The following APEH variants were observed in gnomAD, a reference collection of about 807,000 sequenced individuals.
APEH encodes acylaminoacyl-peptide hydrolase.
A neutral mutation model predicts 102.7 loss-of-function variants in APEH; 75 were observed. The observed-to-expected ratio is 0.73, with a 90% CI of 0.61 to 0.89. The LOEUF (loss-of-function observed/expected upper bound fraction) is 0.89. Ranked by LOEUF, APEH falls within the 40% of genes least tolerant of loss-of-function variation. The probability of loss-of-function intolerance (pLI) is 0.00; values close to 1 mark genes in which losing one functional copy is unlikely to be tolerated. For missense variants in APEH, 863 were observed against 941.2 expected (o/e 0.92, Z 1.09); for synonymous variants, 344 against 362.7 (o/e 0.95, Z 0.59).
chr3:49,681,643 C>T lies in APEH; in HGVS notation c.1439-79C>T, dbSNP rs577604910. The T allele has an allele frequency of 3.0e-6, 4 of 1,323,354 alleles. No individual in the cohort carries two copies. In the African/African-American group the frequency reaches 4.5e-5, roughly 15 times the overall value. 82.0% of individuals were successfully genotyped at this position (1,323,354 alleles called of 1,614,324 possible). Reference sequence around the variant, plus strand: ...AGGTCTCTGACCCAGAGGTCAGCCCCACACCTGCAGCTAGAGATGGGGCCT... The same window carrying T: ...AGGTCTCTGACCCAGAGGTCAGCCCTACACCTGCAGCTAGAGATGGGGCCT... On this transcript the variant is annotated intron_variant, in intron 15 of 21. Transcript: ENST00000296456.
chr3:49,682,782 A>G, intron 19 of APEH, 46 bp downstream of exon 19: 2 of 1,613,318 alleles, frequency 1.2e-6, no homozygotes, highest in Non-Finnish European at 1.7e-6. Flanking sequence ...TCTACCTCAA[A>G]TTCTCATGGA....
In APEH at chr3:49,675,916, A is replaced by G. The variant is rs1308979519; in HGVS notation, c.392A>G (p.Lys131Arg). The G allele has an allele frequency of 6.2e-7, 1 of 1,614,126 alleles. No individual in the cohort carries two copies. Among genetic ancestry groups the G allele is most frequent in the South Asian group, 1.1e-5 (1 of 91,086 alleles). ...GTCTGGGAGAAGAACCGGAAGCTCAAGAGCTTCAACCTGTCAGCGCTGGAG... is the reference window on the plus strand; with the variant it reads ...GTCTGGGAGAAGAACCGGAAGCTCAGGAGCTTCAACCTGTCAGCGCTGGAG... Reference protein sequence around the residue: ...LEVWEKNRKLKSFNLSALEKH... With the variant: ...LEVWEKNRKLRSFNLSALEKH... Residue 131 changes from lysine (K) to arginine (R), a missense_variant, in exon 5 of 22, where the codon AAG becomes AGG. Transcript: ENST00000296456.
intron 2 of APEH, 147 bp downstream of exon 2, chr3:49,674,768 G>C: frequency 3.4e-6 from 4 of 1,160,148 alleles, no homozygotes; most frequent in Non-Finnish European, 4.8e-6. Context: ...ACAGGTCCCT[G>C]CACACAGGTG....
At chr3:49,673,719 T>A (rs528921812), upstream of APEH, among the ~76,000 whole-genome samples, 78 of 152,304 alleles carry the variant, frequency 5.1e-4, no homozygotes, top group Non-Finnish European at 8.7e-4. Flanking sequence ...GGCCTCGTGG[T>A]GGACCCGAAG....
chr3:49,677,674 G>T (rs372564639), intron 11 of APEH, 41 bp downstream of exon 11: 6 of 1,558,748 alleles, frequency 3.8e-6, no homozygotes, highest in Non-Finnish European at 4.4e-6. Context: ...GGGGCCTGTA[G>T]CTCTGCTTTC....
At position 49,681,933 on chromosome 3, in the gene APEH, C is replaced by T. The variant is rs1303705918; in HGVS notation, c.1569C>T (p.Ala523=). The change falls in exon 17 of 22, where the codon GCC becomes GCT. Residue 523 remains alanine, a synonymous_variant. Transcript: ENST00000296456. ...TCACTGCCTGGATGCTGTTCCCAGC[C>T]ATGCTTTGCAAGATGGGCTTTGCGG... ...SFVTAWMLFP[A]MLCKMGFAVL... is the part of the protein sequence containing the mutation. The T allele has an allele frequency of 6.2e-7, 1 of 1,614,208 alleles. No individual in the cohort carries two copies. The highest frequency in any genetic ancestry group is 1.1e-5 in the South Asian group (1 of 91,088).
In APEH at chr3:49,681,887, G is replaced by T. The variant is rs750816647; in HGVS notation, c.1523G>T (p.Gly508Val). Residue 508 changes from glycine to valine, a missense_variant and splice_region_variant, in exon 17 of 22, where the codon GGG becomes GTG. Gly to Val is a moderately radical substitution (Grantham distance 109). Coordinates refer to ENST00000296456, the MANE Select transcript of APEH (RefSeq NM_001640.4). ...TTCACCCTCCGCTCCCTGTCTGCAG[G>T]GGGGCCCCATTCATCCTTTGTCACT... ...TQVPMVVMPH[G>V]GPHSSFVTAW... is the part of the protein sequence containing the mutation. 6.2e-7 allele frequency: 1 copy of T among 1,614,108 alleles called. No homozygotes were observed. Among genetic ancestry groups the T allele is most frequent in the Non-Finnish European group, 8.5e-7 (1 of 1,179,972 alleles).
chr3:49,674,164 C>T (rs1005605905), upstream of APEH: 17 of 563,838 alleles, frequency 3.0e-5, no homozygotes, highest in Non-Finnish European at 5.2e-5. Flanking sequence ...GCTAGTCCGC[C>T]CCTGGCGAGA....
In APEH at chr3:49,682,386, A is replaced by G. The variant is rs1349002088; in HGVS notation, c.1642A>G (p.Ile548Val). The G allele has an allele frequency of 6.2e-7, 1 of 1,614,064 alleles. No individual in the cohort carries two copies. Among genetic ancestry groups the G allele is most frequent in the Admixed American group, 1.7e-5 (1 of 60,012 alleles). ...CTCCACGGGCTTTGGCCAGGACAGC[A>G]TCCTCTCCCTCCCAGGCAATGTGGG... ...RGSTGFGQDS[I>V]LSLPGNVGHQ... Residue 548 changes from isoleucine (I) to valine (V), a missense_variant, in exon 18 of 22, where the codon ATC becomes GTC. Coordinates refer to ENST00000296456, the MANE Select transcript of APEH (RefSeq NM_001640.4).
rs1408244346 is a variant in APEH, at chr3:49,676,434, C to G, written c.663C>G (p.Ile221Met). 1 of 1,614,250 alleles carries G rather than the reference C, an allele frequency of 6.2e-7. No individual in the cohort carries two copies. The highest frequency in any genetic ancestry group is 1.1e-5 in the South Asian group (1 of 91,090). Residue 221 changes from isoleucine (I) to methionine (M), a missense_variant, in exon 7 of 22, where the codon ATC becomes ATG. Transcript: ENST00000296456. ...DWGENMVSKS[I>M]PVLCVLDVES... ...GAGAAAACATGGTTTCCAAAAGCAT[C>G]CCTGTGCTCTGCGTGCTGGATGTCG...
chr3:49,681,218 G>A lies in APEH; in HGVS notation c.1417G>A (p.Glu473Lys). The A allele has an allele frequency of 1.2e-6, 2 of 1,603,548 alleles. No homozygotes were observed. Among genetic ancestry groups the A allele is most frequent in the Non-Finnish European group, 1.7e-6 (2 of 1,174,340 alleles). The change falls in exon 15 of 22, where the codon GAG becomes AAG. Residue 473 changes from glutamate (E) to lysine (K), a missense_variant. Physicochemically the swap from Glu to Lys is moderately conservative, Grantham distance 56. Coordinates refer to ENST00000296456, the MANE Select transcript of APEH (RefSeq NM_001640.4). ...WGIRVLQPPPEQENVQYAGLD... is the reference protein window; with the variant it reads ...WGIRVLQPPPKQENVQYAGLD... ...CATCCGGGTGCTACAGCCACCCCCA[G>A]AGCAAGAGAATGTGCAGTATGGTGA...
chr3:49,682,266 T>C, intron 17 of APEH, 82 bp from the exon 18 acceptor site: 1 of 1,366,242 alleles, frequency 7.3e-7, no homozygotes, highest in Non-Finnish European at 1.0e-6. Context: ...CCCCAGGGCC[T>C]ACTTCACAGA....
chr3:49,678,964 T>C lies in APEH; in HGVS notation c.1158+15T>C, dbSNP rs1392307655. The stretch of plus-strand genomic sequence containing the variant: ...GCAGCCGGCAGGTGAGGGACGCTGA[T>C]TGTGTTGAGGGGCAGCCCCTGTGGT... On this transcript the variant is annotated intron_variant, in intron 12 of 21. Transcript: ENST00000296456. The C allele has an allele frequency of 1.2e-6, 2 of 1,607,824 alleles. No individual in the cohort carries two copies. Among genetic ancestry groups the C allele is most frequent in the Non-Finnish European group, 1.7e-6 (2 of 1,175,508 alleles).
intron 10 of APEH, among the ~76,000 whole-genome samples, chr3:49,677,312 G>A (rs2053105866): frequency 6.6e-6 from 1 of 152,206 alleles, no homozygotes; most frequent in Non-Finnish European, 1.5e-5. Context: ...CTCTGCAAGG[G>A]GCTGGGATAT....
chr3:49,676,166 A>G lies in APEH; in HGVS notation c.553A>G (p.Ser185Gly). 6.2e-7 allele frequency: 1 copy of G among 1,614,196 alleles called. No individual in the cohort carries two copies. The highest frequency in any genetic ancestry group is 8.5e-7 in the Non-Finnish European group (1 of 1,180,042). Residue 185 changes from serine (S) to glycine (G), a missense_variant, in exon 6 of 22, where the codon AGT becomes GGT. By Grantham distance (56) the Ser-to-Gly change is moderately conservative. Transcript: ENST00000296456. Reference protein sequence around the residue: ...SFFQTKALDVSASDDEIARLK... With the variant: ...SFFQTKALDVGASDDEIARLK... ...CTTTCAGACCAAAGCCTTGGACGTC[A>G]GTGCCAGCGATGATGAGATAGCCAG...
At position 49,676,057 on chromosome 3, in the gene APEH, C is replaced by T. The variant is rs768340520; in HGVS notation, c.444C>T (p.Asp148=). Residue 148 remains aspartate, a splice_region_variant and synonymous_variant, in exon 6 of 22, where the codon GAC becomes GAT. Coordinates refer to ENST00000296456, the MANE Select transcript of APEH (RefSeq NM_001640.4). The stretch of plus-strand genomic sequence containing the variant: ...CTGATTGGCCCTCCCTGCACCCAGA[C>T]TGCTTTGGCTGCCTGTCCTGGTCGC... ...LEKHGPVYED[D]CFGCLSWSHS... 73 of 1,614,092 alleles carry T rather than the reference C, an allele frequency of 4.5e-5. No homozygotes were observed. Among genetic ancestry groups the T allele is most frequent in the Non-Finnish European group, 6.1e-5 (72 of 1,180,028 alleles).
upstream of APEH, chr3:49,674,013 C>A (rs2052892726): frequency 3.1e-6 from 1 of 322,096 alleles, no homozygotes. Flanking sequence ...TCAACCCCTT[C>A]TCTCGTAGGC....
intron 10 of APEH, among the ~76,000 whole-genome samples, 160 bp downstream of exon 10, chr3:49,677,184 G>A (rs948868747): frequency 1.2e-4 from 19 of 152,206 alleles, no homozygotes; most frequent in African/African-American, 9.7e-5. Flanking sequence ...CTCAAGGAGG[G>A]CCTAGAGGTT....
Position 49,676,087 on chromosome 3 carries a change from GGA to G in APEH, c.477_478del (p.Glu159AspfsTer30). ...CFGCLSWSHS[E>X]THLLYVAEKK... ...TTGGCTGCCTGTCCTGGTCGCACTC[GGA>G]GACACACTTGTTGTATGTGGCAGAG... On this transcript the variant is annotated frameshift_variant, in exon 6 of 22. Transcript: ENST00000296456. LOFTEE classifies it high-confidence loss of function. 3.7e-6 allele frequency: 6 copies of G among 1,614,210 alleles called. No homozygotes were observed. Among genetic ancestry groups the G allele is most frequent in the Non-Finnish European group, 5.1e-6 (6 of 1,180,034 alleles).
Sources: gnomAD v4.1 joint callset for allele counts (sites outside exome capture counted in the v4.1 genomes callset) on GRCh38, gnomAD v4.1.1 for gene constraint, MANE v1.5 for transcripts, NCBI Gene and HGNC (gene_info 2026-07-23, HGNC 2026-07-21) for gene names.